The following DYSF variants were observed in gnomAD, a reference collection of about 807,000 sequenced individuals.
DYSF encodes the protein dystrophy-associated fer-1-like 1.
DYSF carries 212 observed loss-of-function variants against 274.9 expected under a neutral mutation model. The observed-to-expected ratio is 0.77, with a 90% CI of 0.69 to 0.86. The LOEUF is 0.86. DYSF is among the 40% of genes least tolerant of loss of function. DYSF has a pLI of 0.00. For synonymous variants in DYSF, 1,091 were observed against 1,078.7 expected, an observed-to-expected ratio of 1.01 and a Z score of -0.22; for missense variants, 2,666 against 2,783.2, an observed-to-expected ratio of 0.96 and a Z score of 0.95.
At chr2:71,517,464 C>A (rs1324339815) in intron 10 of DYSF, among the ~76,000 whole-genome samples, 2 of 152,212 alleles carry the variant, frequency 1.3e-5, no homozygotes, top group Non-Finnish European at 2.9e-5. Flanking sequence ...TATACTAAAG[C>A]TGACAAATGG....
At chr2:71,454,071 T>G in exon 1 of DYSF, 2 of 1,613,900 alleles carry the variant, frequency 1.2e-6, no homozygotes, top group Non-Finnish European at 1.7e-6. Context: ...TGCCTACTGC[T>G]CCGCGGTGTT....
chr2:71,623,600 A>G (rs908245837), intron 41 of DYSF, among the ~76,000 whole-genome samples: 2 of 152,144 alleles, frequency 1.3e-5, no homozygotes, highest in Admixed American at 6.5e-5. Context: ...CTTTTGGTAT[A>G]AATCATATCC....
At chr2:71,613,313 G>A (rs1391703080) in intron 39 of DYSF, 21 bp from the exon 40 acceptor site, 1 of 1,606,130 alleles carries the variant, frequency 6.2e-7, no homozygotes, top group Non-Finnish European at 8.5e-7. Context: ...TCTCAGGCCT[G>A]GATGGCTCCC....
chr2:71,510,759 GAAAAATTGTGTTTATA>G (rs2086009429), intron 4 of DYSF, among the ~76,000 whole-genome samples: 1 of 152,224 alleles, frequency 6.6e-6, no homozygotes, highest in Non-Finnish European at 1.5e-5. Flanking sequence ...TATGCCTCAG[GAAAAATTGTGTTTATA>G]AAGGGTTTGT....
rs536254311 is a variant in DYSF at position 71,561,848 on chromosome 2, G to A, written c.2313G>A (p.Glu771=). ...CCCATCACCTGAGCCAAATCACTGA[G>A]GCTGCCCTGGCCCTGAAGCTCGGCC... The part of the protein sequence containing the change: ...LRTHHLSQIT[E]AALALKLGHS... The change falls in exon 23 of 56, where the codon GAG becomes GAA. Residue 771 remains glutamate (E), a synonymous_variant. Coordinates refer to ENST00000410020, the MANE Select transcript of DYSF (RefSeq NM_001130987.2). 1 of 1,614,158 alleles carries A rather than the reference G, an allele frequency of 6.2e-7. No individual in the cohort carries two copies. Among genetic ancestry groups the A allele is most frequent in the African/African-American group, 1.3e-5 (1 of 75,036 alleles).
At chr2:71,470,165 G>A (rs1052223121) in intron 1 of DYSF, among the ~76,000 whole-genome samples, 9 of 152,240 alleles carry the variant, frequency 5.9e-5, no homozygotes, top group East Asian at 3.9e-4. Context: ...CTGTCAGGGC[G>A]TCTCCTCCTC....
chr2:71,682,475 G>T, intron 54 of DYSF, 55 bp from the exon 55 acceptor site: 8 of 1,612,814 alleles, frequency 5.0e-6, no homozygotes, highest in Non-Finnish European at 6.8e-6. Context: ...GAAGAGTTTG[G>T]AGAAAGCAGC....
chr2:71,607,603 A>T (rs548805348), intron 36 of DYSF, among the ~76,000 whole-genome samples: 2 of 152,260 alleles, frequency 1.3e-5, no homozygotes, highest in East Asian at 3.9e-4. Context: ...ATGCTGGTGA[A>T]TCCAGGCAAG....
At chr2:71,530,883 C>G (rs1372456150) in intron 14 of DYSF, among the ~76,000 whole-genome samples, 1 of 152,102 alleles carries the variant, frequency 6.6e-6, no homozygotes, top group Non-Finnish European at 1.5e-5. Context: ...CCCACCCACC[C>G]CAGCTGGCCT....
intron 17 of DYSF, chr2:71,549,254 C>G (rs1204392498): frequency 4.9e-6 from 6 of 1,230,042 alleles, no homozygotes; most frequent in African/African-American, 1.5e-5. Context: ...TTCCATCTGT[C>G]TGCCTGCCAG....
rs1205193458 is a variant in DYSF at position 71,568,709 on chromosome 2, C to T, written c.2864+371C>T. 4.0e-5 allele frequency among the ~76,000 whole-genome samples: 6 copies of T among 151,748 alleles called. No homozygotes were observed. The East Asian group carries it at 5.9e-4, about 15-fold the overall frequency. ...CTGAGTAGCTGGGACCACAGGCGTG[C>T]GCCATCATGCCTGGCTAATTTTTAA... On this transcript the variant is annotated intron_variant, in intron 26 of 55. Transcript: ENST00000410020.
At chr2:71,683,866 A>T (rs2152973636) in intron 55 of DYSF, among the ~76,000 whole-genome samples, 1 of 152,382 alleles carries the variant, frequency 6.6e-6, no homozygotes, top group South Asian at 2.1e-4. Flanking sequence ...GGCTATGCCC[A>T]TGTCTGCAGA....
rs1328741092 is a variant in DYSF at position 71,569,931 on chromosome 2, T to C, written c.2976T>C (p.Asp992=). The C allele has an allele frequency of 6.2e-7, 1 of 1,613,824 alleles. No homozygotes were observed. Among genetic ancestry groups the C allele is most frequent in the African/African-American group, 1.3e-5 (1 of 75,042 alleles). The change falls in exon 27 of 56, where the codon GAT becomes GAC. Residue 992 remains aspartate, a synonymous_variant. Transcript: ENST00000410020. Reference sequence around the variant, plus strand: ...TCTACATGAGTGACAACTACACCGATGTGGTAAAGCAGGCACTCAGGGGCA... The same window carrying C: ...TCTACATGAGTGACAACTACACCGACGTGGTAAAGCAGGCACTCAGGGGCA... ...QWIYMSDNYT[D]VNGEKVLPKD...
upstream of DYSF, among the ~76,000 whole-genome samples, chr2:71,462,742 T>C (rs144156905): frequency 4.5e-4 from 69 of 152,274 alleles, no homozygotes; most frequent in African/African-American, 1.6e-3. Context: ...GAGACCCACA[T>C]AGGGTAGCTC....
chr2:71,675,578 C>A (rs2095207223), intron 52 of DYSF, among the ~76,000 whole-genome samples: 2 of 152,126 alleles, frequency 1.3e-5, no homozygotes, highest in African/African-American at 4.8e-5. Context: ...CCTGGCCTGG[C>A]CAAATGCCCA....
rs565221959 is a variant in DYSF at position 71,540,114 on chromosome 2, C to CT, written c.1576+890dup. ...GTGAAAAGATTTCAACTTTTTTTTT[C>CT]TTTTTTTTTTTTTTTGAGATGGAGT... On this transcript the variant is annotated intron_variant, in intron 17 of 55. Transcript: ENST00000410020. 9.5e-3 allele frequency among the ~76,000 whole-genome samples: 1,265 copies of CT among 133,690 alleles called. 12 individuals are homozygous for CT. Among genetic ancestry groups the CT allele is most frequent in the Admixed American group, 0.017 (223 of 13,480 alleles). 87.7% of individuals were successfully genotyped at this position (133,690 alleles called of 152,430 possible).
intron 4 of DYSF, among the ~76,000 whole-genome samples, chr2:71,506,544 C>T (rs2152721706): frequency 6.6e-6 from 1 of 152,292 alleles, no homozygotes; most frequent in East Asian, 1.9e-4. Context: ...CGTGGAGGAC[C>T]TTGAGGAAGG....
chr2:71,598,486 C>G (rs2093460289), intron 32 of DYSF, 78 bp from the exon 33 acceptor site: 1 of 1,549,514 alleles, frequency 6.5e-7, no homozygotes. Flanking sequence ...GCTTTGTGGC[C>G]CCACATGGCT....
intron 30 of DYSF, among the ~76,000 whole-genome samples, chr2:71,581,837 T>A (rs1265891853): frequency 6.6e-6 from 1 of 152,190 alleles, no homozygotes; most frequent in African/African-American, 2.4e-5. Flanking sequence ...AATCTGGCCC[T>A]CTGCCTGCTT....
Sources: allele counts gnomAD v4.1 joint callset (sites outside exome capture counted in the v4.1 genomes callset), GRCh38; gene constraint gnomAD v4.1.1; transcripts MANE v1.5; gene names NCBI Gene and HGNC (gene_info 2026-07-23, HGNC 2026-07-21).